Variants in DLGAP2 observed in about 807,000 individuals in gnomAD.
DLGAP2 encodes disks large-associated protein 2.
A neutral mutation model predicts 100.3 loss-of-function variants in DLGAP2; 26 were observed. The ratio of observed to expected loss-of-function variants is 0.26; its 90% CI spans 0.19 to 0.36. The LOEUF is 0.36. DLGAP2 is among the 10% of genes least tolerant of loss of function. DLGAP2 has a pLI of 1.00. For synonymous variants in DLGAP2, 886 were observed against 630.1 expected, an observed-to-expected ratio of 1.41 and a Z score of -6.08; for missense variants, 1,858 against 1,453.2, an observed-to-expected ratio of 1.28 and a Z score of -4.53.
chr8:1,253,565 A>C (rs908991582), intron 2 of DLGAP2, among the ~76,000 whole-genome samples: 1 of 152,320 alleles, frequency 6.6e-6, no homozygotes, highest in South Asian at 2.1e-4. Flanking sequence ...AGATTAAAAT[A>C]AGGCACCTTG....
At chr8:1,676,842 A>G (rs1798822447) in intron 11 of DLGAP2, among the ~76,000 whole-genome samples, 1 of 152,238 alleles carries the variant, frequency 6.6e-6, no homozygotes, top group Non-Finnish European at 1.5e-5. Context: ...AAAGTAATTT[A>G]TCACCTCTGA....
At chr8:1,619,032 A>T (rs1322605649) in intron 6 of DLGAP2, among the ~76,000 whole-genome samples, 1 of 152,224 alleles carries the variant, frequency 6.6e-6, no homozygotes, top group Non-Finnish European at 1.5e-5. Flanking sequence ...AAAATCTTTA[A>T]ATTCTGTTCA....
chr8:1,344,233 T>C (rs1801503267), intron 3 of DLGAP2, among the ~76,000 whole-genome samples: 1 of 69,634 alleles, frequency 1.4e-5, no homozygotes, highest in Non-Finnish European at 3.0e-5. Context: ...GTGTAGAATC[T>C]GTAGCTGCAC....
chr8:1,685,913 A>C (rs1799102036), intron 12 of DLGAP2, among the ~76,000 whole-genome samples: 1 of 152,206 alleles, frequency 6.6e-6, no homozygotes, highest in Admixed American at 6.5e-5. Context: ...ATTATCACAA[A>C]GACAAAAAAA....
intron 2 of DLGAP2, among the ~76,000 whole-genome samples, chr8:1,021,347 C>T (rs928748030): frequency 1.3e-5 from 2 of 152,152 alleles, no homozygotes; most frequent in Non-Finnish European, 2.9e-5. Flanking sequence ...TGACCCATTT[C>T]ATTCCCTGAG....
At chr8:1,506,617 T>C (rs972020642) in intron 4 of DLGAP2, among the ~76,000 whole-genome samples, 1 of 152,228 alleles carries the variant, frequency 6.6e-6, no homozygotes, top group Admixed American at 6.5e-5. Context: ...AGGTTGCCAG[T>C]GCCGGCTCAG....
intron 1 of DLGAP2, among the ~76,000 whole-genome samples, chr8:743,565 T>C (rs1426426903): frequency 6.6e-6 from 1 of 152,182 alleles, no homozygotes; most frequent in Non-Finnish European, 1.5e-5. Flanking sequence ...TTCTTGGTAT[T>C]TATTTACTTA....
intron 2 of DLGAP2, among the ~76,000 whole-genome samples, chr8:1,075,890 G>A (rs1162280884): frequency 1.3e-5 from 2 of 149,232 alleles, no homozygotes; most frequent in Non-Finnish European, 3.0e-5. Context: ...AACGGAGGGA[G>A]ACCTCATCTC....
At chr8:1,626,922 A>G in intron 7 of DLGAP2, 35 bp downstream of exon 7, 1 of 1,559,558 alleles carries the variant, frequency 6.4e-7, no homozygotes, top group Middle Eastern at 1.7e-4. Flanking sequence ...CCTGGGGTCC[A>G]GTCTCCCCAG....
intron 1 of DLGAP2, among the ~76,000 whole-genome samples, chr8:818,354 G>T (rs570792180): frequency 5.3e-5 from 8 of 152,272 alleles, no homozygotes; most frequent in Middle Eastern, 3.4e-3. Flanking sequence ...AACTCCCACC[G>T]TGCCCCACCA....
chr8:1,564,747 A>T (rs893203154), intron 5 of DLGAP2, among the ~76,000 whole-genome samples: 1 of 152,232 alleles, frequency 6.6e-6, no homozygotes, highest in African/African-American at 2.4e-5. Flanking sequence ...AGGCAGACAC[A>T]TAACATGCAT....
chr8:1,373,192 GT>G (rs1802289405), intron 3 of DLGAP2, among the ~76,000 whole-genome samples: 1 of 152,146 alleles, frequency 6.6e-6, no homozygotes, highest in Non-Finnish European at 1.5e-5. Flanking sequence ...ATTTGCTGCC[GT>G]TTGCTTGAGT....
chr8:789,314 G>A (rs1282515112), intron 1 of DLGAP2, among the ~76,000 whole-genome samples: 2 of 152,224 alleles, frequency 1.3e-5, no homozygotes, highest in Admixed American at 6.5e-5. Flanking sequence ...GGCGGAAGGC[G>A]AAGGGGAAGT....
chr8:859,850 TGGAAGAC>T (rs1414562592), intron 1 of DLGAP2, among the ~76,000 whole-genome samples: 1 of 152,132 alleles, frequency 6.6e-6, no homozygotes, highest in African/African-American at 2.4e-5. Flanking sequence ...GCAGCCGAGA[TGGAAGAC>T]GGAAGACGTG....
chr8:1,045,246 C>T (rs11985620), intron 2 of DLGAP2, among the ~76,000 whole-genome samples: 71 of 152,312 alleles, frequency 4.7e-4, no homozygotes, highest in Middle Eastern at 6.8e-3. Context: ...AAGCGGACAG[C>T]GGTAGTATCC....
At chr8:1,057,469 T>A (rs1802917041) in intron 2 of DLGAP2, among the ~76,000 whole-genome samples, 1 of 152,260 alleles carries the variant, frequency 6.6e-6, no homozygotes, top group South Asian at 2.1e-4. Flanking sequence ...TAATTGATAA[T>A]TCTTTCCTTC....
At chr8:1,498,888 A>G (rs1799624110) in intron 3 of DLGAP2, among the ~76,000 whole-genome samples, 1 of 152,214 alleles carries the variant, frequency 6.6e-6, no homozygotes, top group African/African-American at 2.4e-5. Flanking sequence ...CACATGCTGC[A>G]TTAAGCTCTC....
chr8:843,128 C>T (rs1246428573), intron 1 of DLGAP2, among the ~76,000 whole-genome samples: 1 of 152,164 alleles, frequency 6.6e-6, no homozygotes, highest in African/African-American at 2.4e-5. Context: ...TGATAGCTTT[C>T]TGTTGCTTAT....
intron 3 of DLGAP2, among the ~76,000 whole-genome samples, chr8:1,446,290 A>G (rs1215043587): frequency 1.3e-5 from 2 of 152,128 alleles, no homozygotes; most frequent in Admixed American, 1.3e-4. Flanking sequence ...GAAGGGATCC[A>G]GTTTCAGCTT....
Sources: allele counts gnomAD v4.1 joint callset (sites outside exome capture counted in the v4.1 genomes callset), GRCh38; gene constraint gnomAD v4.1.1; transcripts MANE v1.5; gene names NCBI Gene and HGNC (gene_info 2026-07-23, HGNC 2026-07-21).